LCORL: variants seen among roughly 807,000 people sequenced by gnomAD.
LCORL encodes ligand dependent nuclear receptor corepressor like, also known as ligand-dependent nuclear receptor corepressor-like protein.
Under a neutral mutation model 141.8 loss-of-function variants are expected in LCORL, and 41 were observed. That is an observed-to-expected ratio of 0.29 (90% CI 0.23 to 0.38). The LOEUF (loss-of-function observed/expected upper bound fraction) is 0.38. Ranked by LOEUF, LCORL falls within the 10% of genes least tolerant of loss-of-function variation. The pLI is 1.00. For missense variants in LCORL, 1,759 were observed against 2,035.0 expected (o/e 0.86, Z 2.61); for synonymous variants, 618 against 694.1 (o/e 0.89, Z 1.72).
exon 8 of LCORL, chr4:17,845,801 C>CAATGGGACGATTAAGGCACATCTT: frequency 1.2e-6 from 2 of 1,613,536 alleles, no homozygotes; most frequent in South Asian, 1.1e-5. Flanking sequence ...AGATTCCATT[C>CAATGGGACGATTAAGGCACATCTT]AATGGGACGA....
At chr4:17,976,145 G>C (rs866261754) in intron 1 of LCORL, among the ~76,000 whole-genome samples, 1 of 152,008 alleles carries the variant, frequency 6.6e-6, no homozygotes, top group Non-Finnish European at 1.5e-5. Context: ...CTTTTAACCT[G>C]TCTTTATATT....
rs761784734 is a variant in LCORL, at chr4:17,897,213, CTTTTTT to C, written c.683-11058_683-11053del. Among the ~76,000 whole-genome samples, 130 of 63,984 alleles carry C rather than the reference CTTTTTT, an allele frequency of 2.0e-3. 13 individuals carry two copies. The highest frequency in any genetic ancestry group is 6.2e-3 in the African/African-American group (108 of 17,322). 42.0% of individuals were successfully genotyped at this position (63,984 alleles called of 152,430 possible). On this transcript the variant is annotated intron_variant, in intron 5 of 7. Coordinates refer to ENST00000635767, the Ensembl canonical transcript of LCORL. ...AGACTTCTCTTTGATATACTGATTT[CTTTTTT>C]TTTTTTTTTTTTTTTTTTTTTTTTT...
chr4:17,869,159 T>C (rs559359367), intron 7 of LCORL, among the ~76,000 whole-genome samples: 1 of 151,998 alleles, frequency 6.6e-6, no homozygotes, highest in South Asian at 2.1e-4. Flanking sequence ...TCCATTTCCA[T>C]TGGTTGCCAT....
At chr4:17,947,933 A>T (rs1739141555) in intron 4 of LCORL, among the ~76,000 whole-genome samples, 1 of 152,022 alleles carries the variant, frequency 6.6e-6, no homozygotes, top group Non-Finnish European at 1.5e-5. Context: ...AAAACAGGAA[A>T]GGAATCAGGG....
chr4:17,884,550 T>C lies in LCORL; in HGVS notation c.776+1518A>G, dbSNP rs1188170751. 2.0e-6 allele frequency: 3 copies of C among 1,535,046 alleles called. No homozygotes were observed. Among genetic ancestry groups the C allele is most frequent in the Admixed American group, 4.4e-5 (2 of 45,922 alleles). ...GAATAACTATCATGGAAATCTCGAG[T>C]TTTGTTTTTAAAAGATGCAGGCTTC... On this transcript the variant is annotated intron_variant, in intron 6 of 7. Transcript: ENST00000635767. This position sits in a 1 kb window ranked among gnomAD's most constrained non-coding sequence, Gnocchi z 4.4.
intron 4 of LCORL, among the ~76,000 whole-genome samples, chr4:17,918,626 C>T (rs1184730830): frequency 6.6e-6 from 1 of 152,054 alleles, no homozygotes; most frequent in East Asian, 1.9e-4. Flanking sequence ...AACCAATCAA[C>T]TTGAACATAG....
chr4:17,937,893 T>TTA (rs1737127236), intron 4 of LCORL, among the ~76,000 whole-genome samples: 1 of 152,132 alleles, frequency 6.6e-6, no homozygotes, highest in African/African-American at 2.4e-5. Flanking sequence ...GGGCTGCACT[T>TTA]TATAAATTTA....
chr4:17,881,083 C>A, intron 6 of LCORL: 1 of 981,736 alleles, frequency 1.0e-6, no homozygotes, highest in Non-Finnish European at 1.2e-6. Flanking sequence ...TTGTCATTAG[C>A]TACCAGAAAT....
At chr4:17,866,124 C>T (rs1725617300) in intron 7 of LCORL, among the ~76,000 whole-genome samples, 1 of 152,140 alleles carries the variant, frequency 6.6e-6, no homozygotes, top group African/African-American at 2.4e-5. Flanking sequence ...GACACACTGG[C>T]CATGACTTAC....
At chr4:18,013,216 G>C (rs951972626) in intron 1 of LCORL, among the ~76,000 whole-genome samples, 1 of 152,114 alleles carries the variant, frequency 6.6e-6, no homozygotes, top group African/African-American at 2.4e-5. Context: ...TCTTCAGCCA[G>C]TGACCTTACT....
intron 1 of LCORL, among the ~76,000 whole-genome samples, chr4:17,987,994 T>A (rs1386438100): frequency 6.6e-6 from 1 of 152,230 alleles, no homozygotes; most frequent in Non-Finnish European, 1.5e-5. Flanking sequence ...TCTCATCTTG[T>A]AGCTCCCATA....
At chr4:17,904,732 T>G (rs568672726) in intron 5 of LCORL, among the ~76,000 whole-genome samples, 1 of 152,306 alleles carries the variant, frequency 6.6e-6, no homozygotes, top group East Asian at 1.9e-4. Context: ...CTTACTGATC[T>G]GTCCTACTTA....
intron 7 of LCORL, among the ~76,000 whole-genome samples, chr4:17,851,382 T>C (rs1449334090): frequency 2.6e-5 from 4 of 152,184 alleles, no homozygotes; most frequent in Non-Finnish European, 5.9e-5. Flanking sequence ...TATTGTCTAT[T>C]CTTCAGATAG....
At chr4:17,842,388 T>C (rs1183268872) in exon 8 of LCORL, 2 of 1,609,934 alleles carry the variant, frequency 1.2e-6, no homozygotes, top group African/African-American at 2.7e-5. Context: ...AGGTATGTCA[T>C]GCATGTCTAG....
chr4:17,991,089 A>C (rs988385062), intron 1 of LCORL, among the ~76,000 whole-genome samples: 3 of 152,216 alleles, frequency 2.0e-5, no homozygotes, highest in Non-Finnish European at 2.9e-5. Context: ...AATTACAGGA[A>C]AATTCAAAGA....
chr4:17,920,525 A>G (rs1273157898), intron 4 of LCORL, among the ~76,000 whole-genome samples: 6 of 152,162 alleles, frequency 3.9e-5, no homozygotes, highest in African/African-American at 1.2e-4. Context: ...AATTTCTTAC[A>G]TTAAGACAAC....
At chr4:17,850,560 A>G (rs1200902031) in intron 7 of LCORL, among the ~76,000 whole-genome samples, 6 of 152,252 alleles carry the variant, frequency 3.9e-5, no homozygotes, top group Admixed American at 6.5e-5. Context: ...GAGAAATGCA[A>G]ATCAAAACCA....
At chr4:17,863,562 C>T (rs1294737675) in intron 7 of LCORL, among the ~76,000 whole-genome samples, 2 of 152,132 alleles carry the variant, frequency 1.3e-5, no homozygotes, top group African/African-American at 2.4e-5. Context: ...TAAATTAGTT[C>T]AGCCATTTTG....
At chr4:18,009,537 T>C (rs909836827) in intron 1 of LCORL, among the ~76,000 whole-genome samples, 1 of 152,016 alleles carries the variant, frequency 6.6e-6, no homozygotes, top group Non-Finnish European at 1.5e-5. Context: ...CTCTAATACC[T>C]TGGACTCAGA....
Sources: allele counts gnomAD v4.1 joint callset (sites outside exome capture counted in the v4.1 genomes callset), GRCh38; gene constraint gnomAD v4.1.1; non-coding constraint Gnocchi (gnomAD v3.1); transcripts MANE v1.5; gene names NCBI Gene and HGNC (gene_info 2026-07-23, HGNC 2026-07-21).